Variants in EIF2B5 observed in about 807,000 individuals in gnomAD.
EIF2B5 encodes translation initiation factor eIF2B subunit epsilon.
In EIF2B5, 38 loss-of-function variants were observed where a neutral mutation model predicts 87.3. The observed-to-expected ratio is 0.44, with a 90% CI of 0.34 to 0.57. The LOEUF (loss-of-function observed/expected upper bound fraction) is 0.57. Among genes scored for constraint, EIF2B5 ranks in the 20% least tolerant of loss-of-function variants. The pLI is 0.02. For synonymous variants in EIF2B5, 313 were observed against 339.6 expected, an observed-to-expected ratio of 0.92 and a Z score of 0.86; for missense variants, 784 against 909.5, an observed-to-expected ratio of 0.86 and a Z score of 1.78.
At chr3:184,135,742 T>C in intron 1 of EIF2B5, 162 bp downstream of exon 1, 1 of 999,936 alleles carries the variant, frequency 1.0e-6, no homozygotes, top group Non-Finnish European at 1.5e-6. Context: ...TGATGACTGC[T>C]GACCAAGTTA....
chr3:184,143,669 T>C (rs2109011559), intron 13 of EIF2B5, 104 bp downstream of exon 13: 1 of 1,564,842 alleles, frequency 6.4e-7, no homozygotes, highest in Non-Finnish European at 8.7e-7. Flanking sequence ...TGGTTCCTTT[T>C]TCCTTGCCTC....
Position 184,142,168 on chromosome 3 carries a change from AG to A in EIF2B5, c.1303-68del. Reference sequence around the variant, plus strand: ...TTCCACCCATAATCCTGTCTAAAAAAGTTGCTCTCATTATCAGGATGCACTT... The same window carrying A: ...TTCCACCCATAATCCTGTCTAAAAAATTGCTCTCATTATCAGGATGCACTT... On this transcript the variant is annotated intron_variant, in intron 8 of 15. Transcript: ENST00000648915. The surrounding 1 kb of genome is among the most constrained non-coding windows in gnomAD (Gnocchi z 5.0). The A allele has an allele frequency of 6.2e-7, 1 of 1,614,096 alleles. No homozygotes were observed. Among genetic ancestry groups the A allele is most frequent in the Non-Finnish European group, 8.5e-7 (1 of 1,180,016 alleles).
chr3:184,140,040 A>G (rs768030660), intron 5 of EIF2B5, 40 bp from the exon 6 acceptor site: 3 of 1,518,382 alleles, frequency 2.0e-6, no homozygotes, highest in South Asian at 2.3e-5. Context: ...AAAAAAAAGA[A>G]TAGTACTTAA....
In EIF2B5 at chr3:184,138,264, G is replaced by A. The variant is rs368772750; in HGVS notation, c.765+18G>A. The A allele has an allele frequency of 1.2e-6, 2 of 1,610,668 alleles. No homozygotes were observed. Among genetic ancestry groups the A allele is most frequent in the East Asian group, 4.5e-5 (2 of 44,872 alleles). The stretch of plus-strand genomic sequence containing the variant: ...CTCCTCAGGTGAGCTCTTTAGGGCT[G>A]GGGCTGCACACCCAAAGAGTAGAAC... On this transcript the variant is annotated intron_variant, in intron 5 of 15. Coordinates refer to ENST00000648915, the MANE Select transcript of EIF2B5 (RefSeq NM_003907.3).
chr3:184,144,933 A>T lies in EIF2B5; in HGVS notation c.2156A>T (p.Glu719Val). Reference sequence around the variant, plus strand: ...AAAGAGGCAGAAGAGGAGTCATCTGAAGATGACTGAAGTCACACTGCCTGC... The same window carrying T: ...AAAGAGGCAGAAGAGGAGTCATCTGTAGATGACTGAAGTCACACTGCCTGC... Reference protein sequence around the residue: ...WLKEAEEESSEDD With the variant: ...WLKEAEEESSVDD Residue 719 changes from glutamate (E) to valine (V), a missense_variant, in exon 16 of 16, where the codon GAA (glutamate) becomes GTA (valine). Glu to Val is a moderately radical substitution (Grantham distance 121). Coordinates refer to ENST00000648915, the MANE Select transcript of EIF2B5 (RefSeq NM_003907.3). 6.2e-7 allele frequency: 1 copy of T among 1,613,432 alleles called. No homozygotes were observed. The highest frequency in any genetic ancestry group is 8.5e-7 in the Non-Finnish European group (1 of 1,179,846).
intron 7 of EIF2B5, among the ~76,000 whole-genome samples, chr3:184,141,110 T>G (rs1021834765): frequency 3.9e-5 from 6 of 152,236 alleles, no homozygotes; most frequent in African/African-American, 1.4e-4. Context: ...TTGCCCAAGG[T>G]CATTGGTAAT....
At position 184,142,388 on chromosome 3, in the gene EIF2B5, T is replaced by C. The variant is rs1200243891; in HGVS notation, c.1444+10T>C. 1 of 1,614,172 alleles carries C rather than the reference T, an allele frequency of 6.2e-7. No individual in the cohort carries two copies. Among genetic ancestry groups the C allele is most frequent in the South Asian group, 1.1e-5 (1 of 91,086 alleles). On this transcript the variant is annotated intron_variant, in intron 9 of 15. Transcript: ENST00000648915. The surrounding 1 kb of genome is among the most constrained non-coding windows in gnomAD (Gnocchi z 5.0). ...AAAGTGAAGATGAAAGGTGTGAGAC[T>C]CAACAGGTGTGGGGCATCTGTGTGT...
intron 6 of EIF2B5, 60 bp from the exon 7 acceptor site, chr3:184,140,358 A>G (rs1360772337): frequency 3.2e-6 from 5 of 1,577,804 alleles, no homozygotes; most frequent in Middle Eastern, 1.7e-4. Context: ...GAAAAGTTGT[A>G]CTTGGGGGCA....
intron 7 of EIF2B5, among the ~76,000 whole-genome samples, chr3:184,141,065 A>C (rs1223952784): frequency 6.6e-6 from 1 of 152,226 alleles, no homozygotes; most frequent in African/African-American, 2.4e-5. Context: ...TTTAATCTTC[A>C]TAATTTACAA....
chr3:184,143,017 G>A (rs767442427), intron 11 of EIF2B5, 35 bp from the exon 12 acceptor site: 1 of 1,603,264 alleles, frequency 6.2e-7, no homozygotes, highest in Non-Finnish European at 8.5e-7. Context: ...TCTGAATGAT[G>A]TTGGCCCATG....
intron 5 of EIF2B5, 72 bp downstream of exon 5, chr3:184,138,318 A>C: frequency 7.7e-7 from 1 of 1,301,078 alleles, no homozygotes; most frequent in South Asian, 1.2e-5. Flanking sequence ...TCCCCTTAGA[A>C]GGCCAGGGTA....
At chr3:184,143,003 G>C in intron 11 of EIF2B5, 49 bp from the exon 12 acceptor site, 2 of 1,593,222 alleles carry the variant, frequency 1.3e-6, no homozygotes, top group Non-Finnish European at 1.7e-6. Context: ...ATGACTTAGA[G>C]CATTCTGAAT....
intron 7 of EIF2B5, among the ~76,000 whole-genome samples, chr3:184,141,379 G>A (rs1461902577): frequency 6.6e-6 from 1 of 152,136 alleles, no homozygotes; most frequent in East Asian, 1.9e-4. Context: ...GACCAGCCTG[G>A]GCAACATAGC....
intron 15 of EIF2B5, 61 bp from the exon 16 acceptor site, chr3:184,144,823 G>A (rs897791537): frequency 1.8e-5 from 29 of 1,596,338 alleles, no homozygotes; most frequent in Middle Eastern, 1.7e-4. Flanking sequence ...TTTATCTGCC[G>A]AGGGGAGCAG....
At chr3:184,136,310 A>G (rs1713356419) in intron 1 of EIF2B5, among the ~76,000 whole-genome samples, 1 of 152,220 alleles carries the variant, frequency 6.6e-6, no homozygotes, top group Non-Finnish European at 1.5e-5. Context: ...GCTTAAATTT[A>G]TGGAAATATG....
In EIF2B5 at chr3:184,140,462, T is replaced by C. The variant is rs1713576655; in HGVS notation, c.888T>C (p.Tyr296=). Residue 296 remains tyrosine, a synonymous_variant, in exon 7 of 16, where the codon TAT becomes TAC. Coordinates refer to ENST00000648915, the MANE Select transcript of EIF2B5 (RefSeq NM_003907.3). ...ACATGCACGTAACAGCTAAGGAATA[T>C]GGTGCCCGTGTCTCCAACCTACACA... ...QIHMHVTAKE[Y]GARVSNLHMY... is the part of the protein sequence containing the mutation. 1.2e-6 allele frequency: 2 copies of C among 1,614,130 alleles called. No homozygotes were observed. Among genetic ancestry groups the C allele is most frequent in the East Asian group, 2.2e-5 (1 of 44,876 alleles).
Position 184,138,459 on chromosome 3 carries a change from T to C in EIF2B5, c.765+213T>C, listed in dbSNP as rs553820992. Among the ~76,000 whole-genome samples the C allele has an allele frequency of 3.3e-4, 49 of 150,100 alleles. 1 individual carries two copies. The South Asian group carries it at 9.5e-3, about 29-fold the overall frequency. ...GCAGACTCTGCCTCCTAGGTTCAAG[T>C]GATTCTCCTGCCTCAGCCTCCTGAG... On this transcript the variant is annotated intron_variant, in intron 5 of 15. Coordinates refer to ENST00000648915, the MANE Select transcript of EIF2B5 (RefSeq NM_003907.3).
rs1468285119 is a variant in EIF2B5, at chr3:184,142,725, GCTCT to G, written c.1547-51_1547-48del. 32 of 1,570,054 alleles carry G rather than the reference GCTCT, an allele frequency of 2.0e-5. No individual in the cohort carries two copies. The highest frequency in any genetic ancestry group is 8.1e-5 in the African/African-American group (6 of 74,002). ...TTCAGGCAGACAGGGCAGGTATATT[GCTCT>G]CTGTCAATGACTCTTTTTTTCTTTT... On this transcript the variant is annotated intron_variant, in intron 10 of 15. Transcript: ENST00000648915. This position sits in a 1 kb window ranked among gnomAD's most constrained non-coding sequence, Gnocchi z 5.0.
At position 184,141,969 on chromosome 3, in the gene EIF2B5, C is replaced by A; in HGVS notation, c.1201C>A (p.Arg401=). 2 of 1,614,038 alleles carry A rather than the reference C, an allele frequency of 1.2e-6. No individual in the cohort carries two copies. Among genetic ancestry groups the A allele is most frequent in the South Asian group, 1.1e-5 (1 of 91,066 alleles). Residue 401 remains arginine, a synonymous_variant, in exon 8 of 16, where the codon CGA becomes AGA. Coordinates refer to ENST00000648915, the MANE Select transcript of EIF2B5 (RefSeq NM_003907.3). ...LDQTYLWQGV[R]VAAGAQIHQS... is the part of the protein sequence containing the mutation. ...CCAGACCTACCTGTGGCAGGGTGTT[C>A]GAGTGGCGGCTGGAGCACAGATCCA... is the stretch of plus-strand genomic sequence containing the variant.
Sources: allele counts gnomAD v4.1 joint callset (sites outside exome capture counted in the v4.1 genomes callset), GRCh38; gene constraint gnomAD v4.1.1; non-coding constraint Gnocchi (gnomAD v3.1); transcripts MANE v1.5; gene names NCBI Gene and HGNC (gene_info 2026-07-23, HGNC 2026-07-21).